The following CNBD2 variants were observed in gnomAD, a reference collection of about 807,000 sequenced individuals.
CNBD2 encodes cyclic nucleotide binding domain containing 2.
In CNBD2, 64 loss-of-function variants were observed where a neutral mutation model predicts 63.7. The ratio of observed to expected loss-of-function variants is 1.00; its 90% CI spans 0.82 to 1.24. CNBD2 has a LOEUF of 1.24. CNBD2 is among the 50% of genes most tolerant of loss of function. The probability of loss-of-function intolerance (pLI) is 0.00; values close to 1 mark genes in which losing one functional copy is unlikely to be tolerated. For synonymous variants in CNBD2, 229 were observed against 255.4 expected, an observed-to-expected ratio of 0.90 and a Z score of 0.99; for missense variants, 691 against 713.5, an observed-to-expected ratio of 0.97 and a Z score of 0.36.
upstream of CNBD2, chr20:35,954,629 C>T: frequency 7.6e-7 from 1 of 1,321,564 alleles, no homozygotes; most frequent in South Asian, 1.4e-5. Flanking sequence ...TGCGCGTGGC[C>T]TGGGCTCCTT....
chr20:35,975,165 C>A (rs2056487887), intron 2 of CNBD2, among the ~76,000 whole-genome samples: 1 of 129,324 alleles, frequency 7.7e-6, no homozygotes, highest in African/African-American at 3.3e-5. Context: ...CCACGCCCGG[C>A]TAATTTTTTG....
At chr20:35,972,307 A>G (rs753044868) in intron 1 of CNBD2, among the ~76,000 whole-genome samples, 11 of 152,220 alleles carry the variant, frequency 7.2e-5, no homozygotes, top group Non-Finnish European at 1.5e-4. Context: ...TAGTCGTGCC[A>G]CTTATTTTGT....
chr20:35,985,436 G>A (rs1236226068), intron 6 of CNBD2, among the ~76,000 whole-genome samples: 2 of 151,550 alleles, frequency 1.3e-5, no homozygotes, highest in African/African-American at 2.4e-5. Flanking sequence ...AAAGTGCTGG[G>A]ATTACAGACA....
At chr20:35,967,523 C>A (rs58372200), upstream of CNBD2, among the ~76,000 whole-genome samples, 38,673 of 144,082 alleles carry the variant, frequency 0.27, 6,157 homozygotes, top group African/African-American at 0.46. Context: ...GTGTACCTGA[C>A]ATTTAGCTAC....
upstream of CNBD2, among the ~76,000 whole-genome samples, chr20:35,968,096 C>T (rs966495289): frequency 2.0e-5 from 3 of 152,210 alleles, no homozygotes; most frequent in South Asian, 2.1e-4. Context: ...CTAATCCCTT[C>T]TCAGCCTTTT....
chr20:35,965,006 T>C (rs966678619), upstream of CNBD2, among the ~76,000 whole-genome samples: 2 of 152,184 alleles, frequency 1.3e-5, no homozygotes, highest in African/African-American at 4.8e-5. Flanking sequence ...CGGCCTCATA[T>C]ATCTTTCATA....
At chr20:35,999,723 G>T (rs2147287634) in intron 8 of CNBD2, among the ~76,000 whole-genome samples, 1 of 151,024 alleles carries the variant, frequency 6.6e-6, no homozygotes, top group African/African-American at 2.4e-5. Context: ...TGTTGCCCAG[G>T]CTGGAGTGCA....
chr20:36,011,351 C>T, intron 10 of CNBD2, 94 bp downstream of exon 10: 1 of 1,325,230 alleles, frequency 7.5e-7, no homozygotes. Context: ...AAACACTTCC[C>T]TCCATATTTG....
chr20:36,018,577 G>A (rs2057166437), intron 10 of CNBD2, among the ~76,000 whole-genome samples: 2 of 152,020 alleles, frequency 1.3e-5, no homozygotes, highest in African/African-American at 2.4e-5. Flanking sequence ...GACTGAACCC[G>A]CCCCCTGGAA....
At chr20:36,022,765 A>G (rs1410879381) in intron 10 of CNBD2, among the ~76,000 whole-genome samples, 3 of 152,002 alleles carry the variant, frequency 2.0e-5, no homozygotes, top group South Asian at 4.1e-4. Flanking sequence ...GACTACAGGC[A>G]TGCACTATCA....
intron 10 of CNBD2, among the ~76,000 whole-genome samples, chr20:36,015,268 C>A (rs1261614288): frequency 6.6e-6 from 1 of 152,082 alleles, no homozygotes; most frequent in African/African-American, 2.4e-5. Context: ...GTTATTATCC[C>A]CTTATCAGAT....
At chr20:36,008,094 G>C (rs940583888) in intron 8 of CNBD2, among the ~76,000 whole-genome samples, 2 of 152,076 alleles carry the variant, frequency 1.3e-5, no homozygotes, top group Non-Finnish European at 2.9e-5. Context: ...AGATGTAATA[G>C]ATGTAAAGGC....
chr20:35,996,409 G>A (rs911408544), intron 8 of CNBD2, among the ~76,000 whole-genome samples: 1 of 146,400 alleles, frequency 6.8e-6, no homozygotes, highest in Non-Finnish European at 1.5e-5. Context: ...TAACAAGTAT[G>A]AATAACAGTG....
chr20:35,967,135 T>C (rs2056351951), upstream of CNBD2, among the ~76,000 whole-genome samples: 1 of 150,920 alleles, frequency 6.6e-6, no homozygotes, highest in African/African-American at 2.4e-5. Context: ...CCCAAGATGG[T>C]GGCAGCTCGA....
intron 10 of CNBD2, among the ~76,000 whole-genome samples, chr20:36,012,427 G>A (rs554902042): frequency 6.6e-6 from 1 of 150,602 alleles, no homozygotes; most frequent in South Asian, 2.1e-4. Context: ...GAAGTGAGCC[G>A]AGATTGTGCC....
At chr20:35,977,669 C>A (rs191844356) in intron 3 of CNBD2, among the ~76,000 whole-genome samples, 16 of 152,222 alleles carry the variant, frequency 1.1e-4, no homozygotes, top group Admixed American at 9.2e-4. Context: ...CAGAGTGAGA[C>A]CCTGTCCCCC....
At chr20:36,028,950 C>T (rs1180735229) in intron 11 of CNBD2, among the ~76,000 whole-genome samples, 1 of 152,176 alleles carries the variant, frequency 6.6e-6, no homozygotes, top group Non-Finnish European at 1.5e-5. Context: ...GCTGGGATTA[C>T]AGGCATGAGC....
chr20:36,023,566 G>A, intron 10 of CNBD2, 36 bp from the exon 11 acceptor site: 2 of 1,513,016 alleles, frequency 1.3e-6, no homozygotes, highest in South Asian at 1.3e-5. Context: ...GACCTGGCCA[G>A]TCTCTGAGGT....
intron 10 of CNBD2, 47 bp downstream of exon 10, chr20:36,011,304 TG>T: frequency 1.4e-6 from 2 of 1,435,592 alleles, no homozygotes; most frequent in Non-Finnish European, 1.8e-6. Flanking sequence ...GTAACATGAA[TG>T]GGCTGGAATG....
Sources: gnomAD v4.1 joint callset for allele counts (sites outside exome capture counted in the v4.1 genomes callset) on GRCh38, gnomAD v4.1.1 for gene constraint, MANE v1.5 for transcripts, NCBI Gene and HGNC (gene_info 2026-07-23, HGNC 2026-07-21) for gene names.